The following SVOPL variants were observed in gnomAD, a reference collection of about 807,000 sequenced individuals.
The protein encoded by SVOPL is SVOP like.
SVOPL carries 60 observed loss-of-function variants against 61.0 expected under a neutral mutation model. That is an observed-to-expected ratio of 0.98 (90% CI 0.80 to 1.22). The LOEUF (loss-of-function observed/expected upper bound fraction) is 1.22, where lower values mean the gene tolerates loss of function less well. Among genes scored for constraint, SVOPL ranks in the 50% most tolerant of loss-of-function variants. The probability of loss-of-function intolerance (pLI) is 0.00; values close to 1 mark genes in which losing one functional copy is unlikely to be tolerated. For synonymous variants in SVOPL, 279 were observed against 250.0 expected (o/e 1.12, Z -1.09); for missense variants, 662 against 643.9 (o/e 1.03, Z -0.30).
rs940759012 is a variant in SVOPL, at chr7:138,674,311, C to G, written c.175-2194G>C. Among the ~76,000 whole-genome samples the G allele has an allele frequency of 3.3e-5, 5 of 152,000 alleles. No homozygotes were observed. In the South Asian group the frequency reaches 1.0e-3, roughly 32 times the overall value. ...GTTATATACACCGTCACACGAGGCC[C>G]GGAAACCCAACTGCTGCTTCTATGG... On this transcript the variant is annotated intron_variant, in intron 3 of 15. Transcript: ENST00000674285.
At chr7:138,651,988 T>C (rs570560653) in intron 7 of SVOPL, among the ~76,000 whole-genome samples, 1 of 152,132 alleles carries the variant, frequency 6.6e-6, no homozygotes, top group South Asian at 2.1e-4. Flanking sequence ...CAACCTCAAC[T>C]TCCCAGGCTC....
intron 9 of SVOPL, among the ~76,000 whole-genome samples, chr7:138,632,283 AT>A (rs1393957695): frequency 6.6e-6 from 1 of 152,114 alleles, no homozygotes; most frequent in Admixed American, 6.6e-5. Context: ...AATACAAAAC[AT>A]TTAGCCAGGC....
At chr7:138,630,406 T>A (rs1271844137) in intron 9 of SVOPL, among the ~76,000 whole-genome samples, 1 of 152,128 alleles carries the variant, frequency 6.6e-6, no homozygotes, top group Non-Finnish European at 1.5e-5. Context: ...CCACCAGCAC[T>A]GGCGCGGGGG....
At chr7:138,671,477 A>G (rs1332163941) in intron 4 of SVOPL, among the ~76,000 whole-genome samples, 8 of 152,072 alleles carry the variant, frequency 5.3e-5, no homozygotes, top group Admixed American at 5.2e-4. Flanking sequence ...CCTCCCAAGT[A>G]GCTGGGATTA....
At position 138,673,111 on chromosome 7, in the gene SVOPL, T is replaced by C. The variant is rs372455242; in HGVS notation, c.175-994A>G. Among the ~76,000 whole-genome samples the C allele has an allele frequency of 3.1e-3, 476 of 152,132 alleles. 3 individuals are homozygous for C. Among genetic ancestry groups the C allele is most frequent in the African/African-American group, 0.011 (459 of 41,476 alleles). ...AAGGGAATTAAAGGAGAAAATGAAT[T>C]TGTTTGGCACATGTTCTGTCGATAA... On this transcript the variant is annotated intron_variant, in intron 3 of 15. Coordinates refer to ENST00000674285, the MANE Select transcript of SVOPL (RefSeq NM_001139456.2).
intron 6 of SVOPL, among the ~76,000 whole-genome samples, chr7:138,659,424 G>A (rs1001631726): frequency 2.0e-5 from 3 of 151,768 alleles, no homozygotes; most frequent in Non-Finnish European, 4.4e-5. Flanking sequence ...CCCAGGAGGC[G>A]GAGGTTGCAG....
intron 10 of SVOPL, 146 bp downstream of exon 10, chr7:138,629,903 T>A: frequency 1.5e-6 from 1 of 650,792 alleles, no homozygotes; most frequent in South Asian, 1.9e-5. Context: ...GTGGTGTTTG[T>A]AGAAAGACAA....
intron 7 of SVOPL, among the ~76,000 whole-genome samples, chr7:138,651,452 C>T (rs1425667495): frequency 6.6e-6 from 1 of 152,176 alleles, no homozygotes; most frequent in Admixed American, 6.5e-5. Flanking sequence ...TTTAATCGTG[C>T]TTTGCTTTAG....
intron 1 of SVOPL, among the ~76,000 whole-genome samples, chr7:138,700,173 C>T (rs1803159163): frequency 6.6e-6 from 1 of 151,990 alleles, no homozygotes; most frequent in African/African-American, 2.4e-5. Flanking sequence ...TCTTGGTAGT[C>T]TCTAGAGTTT....
intron 9 of SVOPL, among the ~76,000 whole-genome samples, chr7:138,638,272 C>CAAAAAAA (rs56000217): frequency 1.0e-5 from 1 of 95,814 alleles, no homozygotes; most frequent in African/African-American, 4.2e-5. Context: ...GACTCCACCT[C>CAAAAAAA]AAAAAAAAAA....
intron 5 of SVOPL, chr7:138,662,197 T>TCATAGCAG: frequency 1.0e-6 from 1 of 985,484 alleles, no homozygotes; most frequent in South Asian, 4.7e-5. Context: ...TGCCTCTGCC[T>TCATAGCAG]CATAGCAGCA....
At chr7:138,620,960 C>CG in intron 14 of SVOPL, 86 bp downstream of exon 14, 2 of 1,218,006 alleles carry the variant, frequency 1.6e-6, no homozygotes, top group Non-Finnish European at 2.4e-6. Flanking sequence ...AGAAATCCTC[C>CG]GTTCTGCCTT....
chr7:138,614,429 T>G (rs1799193364), intron 14 of SVOPL, among the ~76,000 whole-genome samples: 1 of 147,404 alleles, frequency 6.8e-6, no homozygotes, highest in Non-Finnish European at 1.5e-5. Context: ...AGAGTGTCAC[T>G]CTGTTGCCCA....
rs143273424 is a variant in SVOPL, at chr7:138,662,142, C to T, written c.345+932G>A. On this transcript the variant is annotated intron_variant, in intron 5 of 15. Transcript: ENST00000674285. ...ATGGGCTTCCATTTCTGTCCCTGGA[C>T]GGGACATTCAGGCAAATGGCTCTGC... 493 of 985,462 alleles carry T rather than the reference C, an allele frequency of 5.0e-4. 1 individual carries two copies. The African/African-American group carries it at 7.1e-3, about 14-fold the overall frequency. 61.0% of individuals were successfully genotyped at this position (985,462 alleles called of 1,614,324 possible).
chr7:138,609,280 C>T lies in SVOPL; in HGVS notation c.1353+11766G>A, dbSNP rs573456299. On this transcript the variant is annotated intron_variant, in intron 14 of 15. Transcript: ENST00000674285. ...TGAGCACAATGTACCAAAATGAAAGCGAGCAGACCCCTTCACCTACCAATC... is the reference window on the plus strand; with the variant it reads ...TGAGCACAATGTACCAAAATGAAAGTGAGCAGACCCCTTCACCTACCAATC... Among the ~76,000 whole-genome samples, 5 of 152,208 alleles carry T rather than the reference C, an allele frequency of 3.3e-5. No homozygotes were observed. The South Asian group carries it at 1.0e-3, about 32-fold the overall frequency.
intron 3 of SVOPL, among the ~76,000 whole-genome samples, chr7:138,673,882 G>T (rs189418197): frequency 1.5e-4 from 23 of 152,208 alleles, no homozygotes; most frequent in Admixed American, 1.5e-3. Context: ...CTCAGGGAAG[G>T]TCTTAAAGAC....
rs764420944 is a variant in SVOPL at position 138,656,398 on chromosome 7, T to C, written c.534+50A>G. 11 of 1,577,384 alleles carry C rather than the reference T, an allele frequency of 7.0e-6. No individual in the cohort carries two copies. The South Asian group carries it at 7.8e-5, about 11-fold the overall frequency. The stretch of plus-strand genomic sequence containing the variant: ...TTTCCAAGGTATGCCTATATGTACA[T>C]CTTATCCCATAGGATGCCAAAGGCA... On this transcript the variant is annotated intron_variant, in intron 7 of 15. Transcript: ENST00000674285.
chr7:138,680,595 G>GTGTA (rs1035237374), intron 1 of SVOPL, among the ~76,000 whole-genome samples: 11 of 150,418 alleles, frequency 7.3e-5, no homozygotes, highest in Admixed American at 6.6e-4. Flanking sequence ...GTGTGTGTGT[G>GTGTA]TGAGACGGAG....
intron 1 of SVOPL, among the ~76,000 whole-genome samples, chr7:138,700,740 A>G (rs1409341305): frequency 6.6e-6 from 1 of 151,018 alleles, no homozygotes; most frequent in Non-Finnish European, 1.5e-5. Flanking sequence ...CAGTTAGACC[A>G]ACTCAGGAAA....
Sources: allele counts gnomAD v4.1 joint callset (sites outside exome capture counted in the v4.1 genomes callset), GRCh38; gene constraint gnomAD v4.1.1; transcripts MANE v1.5; gene names NCBI Gene and HGNC (gene_info 2026-07-23, HGNC 2026-07-21).